The following UNC13C variants were observed in gnomAD, a reference collection of about 807,000 sequenced individuals.
UNC13C encodes protein unc-13 homolog C.
In UNC13C, 174 loss-of-function variants were observed where a neutral mutation model predicts 245.4. The ratio of observed to expected loss-of-function variants is 0.71; its 90% CI spans 0.63 to 0.80. The LOEUF (loss-of-function observed/expected upper bound fraction) is 0.80. UNC13C is among the 30% of genes least tolerant of loss of function. The pLI is 0.00. For missense variants in UNC13C, 2,829 were observed against 2,602.9 expected (o/e 1.09, Z -1.89); for synonymous variants, 992 against 895.1 (o/e 1.11, Z -1.93).
chr15:54,483,984 G>T (rs762104996), intron 19 of UNC13C, among the ~76,000 whole-genome samples: 1 of 151,804 alleles, frequency 6.6e-6, no homozygotes, highest in Non-Finnish European at 1.5e-5. Flanking sequence ...ACACTTCCTG[G>T]CTAGTTATCT....
At chr15:54,217,792 C>T (rs1361603562) in intron 4 of UNC13C, among the ~76,000 whole-genome samples, 2 of 151,854 alleles carry the variant, frequency 1.3e-5, no homozygotes, top group African/African-American at 4.8e-5. Flanking sequence ...ATCTTCTTCC[C>T]TATGACTTAA....
At chr15:54,089,559 T>G (rs1250021439) in intron 2 of UNC13C, among the ~76,000 whole-genome samples, 1 of 151,924 alleles carries the variant, frequency 6.6e-6, no homozygotes, top group Non-Finnish European at 1.5e-5. Flanking sequence ...GGGTAGAGAG[T>G]GCTGAGTGGA....
At chr15:54,157,164 A>G (rs887815903) in intron 4 of UNC13C, among the ~76,000 whole-genome samples, 1 of 152,180 alleles carries the variant, frequency 6.6e-6, no homozygotes, top group African/African-American at 2.4e-5. Context: ...TGCTTTTTCC[A>G]TTTAGCCAAT....
chr15:54,537,061 C>T (rs928537790), intron 26 of UNC13C, among the ~76,000 whole-genome samples: 1 of 151,898 alleles, frequency 6.6e-6, no homozygotes, highest in African/African-American at 2.4e-5. Context: ...ATGATGTGAT[C>T]GTATACATAC....
intron 4 of UNC13C, among the ~76,000 whole-genome samples, chr15:54,234,794 A>T (rs908211562): frequency 6.6e-6 from 1 of 152,176 alleles, no homozygotes; most frequent in Non-Finnish European, 1.5e-5. Flanking sequence ...GGCCATGTAT[A>T]TCTTAAATTT....
downstream of UNC13C, chr15:54,630,079 TA>T (rs1273019993): frequency 6.6e-6 from 1 of 152,246 alleles, no homozygotes; most frequent in East Asian, 1.9e-4. Flanking sequence ...CTAATGTGTG[TA>T]GCAATTTATT....
intron 2 of UNC13C, among the ~76,000 whole-genome samples, chr15:54,123,737 C>T (rs572514755): frequency 1.3e-3 from 200 of 152,154 alleles, no homozygotes; most frequent in Admixed American, 3.9e-3. Context: ...TATGGTTCTA[C>T]GTCATTTTAT....
At chr15:54,364,893 A>G (rs1451995099) in intron 17 of UNC13C, among the ~76,000 whole-genome samples, 1 of 152,206 alleles carries the variant, frequency 6.6e-6, no homozygotes, top group Non-Finnish European at 1.5e-5. Flanking sequence ...CTAGATGTAC[A>G]TAAAAACGAT....
At chr15:54,435,601 G>A (rs928052247) in intron 19 of UNC13C, among the ~76,000 whole-genome samples, 10 of 151,312 alleles carry the variant, frequency 6.6e-5, no homozygotes, top group Admixed American at 5.3e-4. Context: ...GGGACTAGGG[G>A]AGGGGTAACA....
chr15:53,891,140 C>T, the UNC13C span, among the ~76,000 whole-genome samples: 4 of 152,020 alleles, frequency 2.6e-5, no homozygotes, highest in Non-Finnish European at 4.4e-5. Context: ...CATTTAGGAG[C>T]GGGTTGTTCA....
intron 12 of UNC13C, among the ~76,000 whole-genome samples, chr15:54,299,085 G>C (rs1354370594): frequency 6.6e-6 from 1 of 152,116 alleles, no homozygotes; most frequent in Non-Finnish European, 1.5e-5. Context: ...TCATTTTTCA[G>C]ACCAATAAAA....
chr15:53,988,295 A>T (rs905982250), intron 1 of UNC13C, among the ~76,000 whole-genome samples: 2 of 152,074 alleles, frequency 1.3e-5, no homozygotes, highest in Non-Finnish European at 2.9e-5. Flanking sequence ...TTAATACAAA[A>T]AATAGTTCTT....
intron 4 of UNC13C, among the ~76,000 whole-genome samples, chr15:54,165,995 A>G (rs2033151795): frequency 6.6e-6 from 1 of 151,888 alleles, no homozygotes; most frequent in African/African-American, 2.4e-5. Context: ...TTGTTCGTCT[A>G]TTGTTCTCAT....
At chr15:54,008,351 T>C (rs1020786568) in intron 1 of UNC13C, among the ~76,000 whole-genome samples, 1 of 152,202 alleles carries the variant, frequency 6.6e-6, no homozygotes, top group African/African-American at 2.4e-5. Context: ...TAAAAATACT[T>C]ATTTTTTACA....
the UNC13C span, among the ~76,000 whole-genome samples, chr15:53,907,213 T>A: frequency 6.6e-6 from 1 of 152,216 alleles, no homozygotes; most frequent in Non-Finnish European, 1.5e-5. Context: ...CTTATGATAA[T>A]GTTATTATTT....
intron 19 of UNC13C, among the ~76,000 whole-genome samples, chr15:54,486,361 C>T (rs923755898): frequency 4.6e-5 from 7 of 151,284 alleles, no homozygotes; most frequent in African/African-American, 1.7e-4. Flanking sequence ...CACTTGAACC[C>T]CCAGGAGGTG....
chr15:54,348,457 CTG>C (rs548383391), intron 17 of UNC13C, among the ~76,000 whole-genome samples: 169 of 152,212 alleles, frequency 1.1e-3, no homozygotes, highest in Admixed American at 4.2e-3. Context: ...GCATATAACA[CTG>C]TGCAGAGATC....
At chr15:54,200,814 A>G (rs1307914460) in intron 4 of UNC13C, among the ~76,000 whole-genome samples, 2 of 152,060 alleles carry the variant, frequency 1.3e-5, no homozygotes, top group African/African-American at 2.4e-5. Context: ...AATACATAAC[A>G]AAGATCAGAG....
chr15:54,128,212 G>A (rs60947082), intron 2 of UNC13C, among the ~76,000 whole-genome samples: 28,695 of 151,788 alleles, frequency 0.19, 2,882 homozygotes, highest in South Asian at 0.28. Flanking sequence ...TAATGAAGGA[G>A]GTGAAAGATT....
Sources: allele counts gnomAD v4.1 joint callset (sites outside exome capture counted in the v4.1 genomes callset), GRCh38; gene constraint gnomAD v4.1.1; transcripts MANE v1.5; gene names NCBI Gene and HGNC (gene_info 2026-07-23, HGNC 2026-07-21).